The following DLC1 variants were observed in gnomAD, a reference collection of about 807,000 sequenced individuals.
The protein encoded by DLC1 is DLC1 Rho GTPase activating protein.
Under a neutral mutation model 140.3 loss-of-function variants are expected in DLC1, and 54 were observed. The ratio of observed to expected loss-of-function variants is 0.38; its 90% confidence interval spans 0.31 to 0.48. DLC1 has a LOEUF of 0.48. DLC1 is among the 20% of genes least tolerant of loss of function. DLC1 has a pLI of 0.96. For missense variants in DLC1, 2,536 were observed against 1,907.0 expected, an observed-to-expected ratio of 1.33 and a Z score of -6.14; for synonymous variants, 986 against 728.1, an observed-to-expected ratio of 1.35 and a Z score of -5.70.
Position 13,214,557 on chromosome 8 carries a change from C to CTTTT in DLC1, c.1348+90708_1348+90711dup, listed in dbSNP as rs34727279. ...AGCTGTCCCCCGGCCCCAACCCCAC[C>CTTTT]TTTTTTTTTTTTTTTTTGTGGCTGC... is the stretch of plus-strand genomic sequence containing the variant. On this transcript the variant is annotated intron_variant, in intron 5 of 17. Transcript: ENST00000276297. The CTTTT allele has an allele frequency of 1.3e-3, 743 of 579,990 alleles. 6 individuals carry two copies. The highest frequency in any genetic ancestry group is 1.5e-3 in the South Asian group (74 of 47,906). 35.9% of individuals were successfully genotyped at this position (579,990 alleles called of 1,614,324 possible).
chr8:13,181,314 C>CT (rs113553962), intron 5 of DLC1, among the ~76,000 whole-genome samples: 53 of 140,426 alleles, frequency 3.8e-4, no homozygotes, highest in Middle Eastern at 3.9e-3. Flanking sequence ...GGCTGTATTT[C>CT]TTTTTTTTTT....
At chr8:13,381,837 A>G (rs989764736) in intron 4 of DLC1, among the ~76,000 whole-genome samples, 3 of 152,330 alleles carry the variant, frequency 2.0e-5, no homozygotes, top group Non-Finnish European at 2.9e-5. Context: ...TTATGCAGCA[A>G]TAGATGGCTG....
chr8:13,129,181 A>G (rs1398603111), intron 5 of DLC1, among the ~76,000 whole-genome samples: 3 of 152,224 alleles, frequency 2.0e-5, no homozygotes, highest in Admixed American at 1.3e-4. Flanking sequence ...GCAGTAACTC[A>G]TTCCTATAAA....
At chr8:13,428,649 C>T (rs565884504) in intron 2 of DLC1, among the ~76,000 whole-genome samples, 23 of 151,966 alleles carry the variant, frequency 1.5e-4, no homozygotes, top group African/African-American at 5.5e-4. Flanking sequence ...AAAGATATGC[C>T]TCGGGAGATT....
chr8:13,139,200 G>A (rs901771305), intron 5 of DLC1, among the ~76,000 whole-genome samples: 3 of 147,402 alleles, frequency 2.0e-5, no homozygotes, highest in Non-Finnish European at 4.4e-5. Context: ...TGAGGAAGGA[G>A]GATTGCTTGA....
At chr8:13,306,551 T>C (rs900012551) in intron 4 of DLC1, among the ~76,000 whole-genome samples, 4 of 137,132 alleles carry the variant, frequency 2.9e-5, no homozygotes, top group African/African-American at 1.1e-4. Flanking sequence ...TTTGTGTGTG[T>C]GTGTGTTTGT....
intron 4 of DLC1, among the ~76,000 whole-genome samples, chr8:13,353,197 C>G (rs1834755998): frequency 6.6e-6 from 1 of 152,118 alleles, no homozygotes; most frequent in Non-Finnish European, 1.5e-5. Context: ...CCTGCCCTGC[C>G]CATTTCTTGC....
rs1373033772 is a variant in DLC1, at chr8:13,586,533, T to A, written c.-126+18004A>T. ...GTAGATAGGTTAGTAACTGAATGAA[T>A]TGAGTTTTTTTAATTAGACTTTTTT... On this transcript the variant is annotated intron_variant, in intron 1 of 1. Coordinates refer to the DLC1 transcript ENST00000631382. Among the ~76,000 whole-genome samples, 3 of 151,630 alleles carry A rather than the reference T, an allele frequency of 2.0e-5. 1 individual carries two copies. The highest frequency in any genetic ancestry group is 1.9e-4 in the East Asian group (1 of 5,164).
intron 1 of DLC1, among the ~76,000 whole-genome samples, chr8:13,587,890 C>G (rs997321406): frequency 6.6e-6 from 1 of 151,894 alleles, no homozygotes; most frequent in Admixed American, 6.6e-5. Flanking sequence ...CTCACCCTTC[C>G]CCTCATGGCA....
chr8:13,416,527 G>A (rs1012176872), intron 2 of DLC1, among the ~76,000 whole-genome samples: 2 of 152,234 alleles, frequency 1.3e-5, no homozygotes, highest in African/African-American at 4.8e-5. Flanking sequence ...ACTTAAGGAG[G>A]GAAGTGGAAG....
chr8:13,249,911 CACCT>C (rs1192506444), intron 5 of DLC1, among the ~76,000 whole-genome samples: 2 of 152,162 alleles, frequency 1.3e-5, no homozygotes. Flanking sequence ...CTTGTCTTTC[CACCT>C]GTCATCCACT....
intron 5 of DLC1, among the ~76,000 whole-genome samples, chr8:13,178,527 G>T (rs1297717318): frequency 1.4e-5 from 2 of 147,534 alleles, no homozygotes; most frequent in Non-Finnish European, 1.5e-5. Context: ...AGCCGAGATT[G>T]CACCACTGGG....
intron 7 of DLC1, among the ~76,000 whole-genome samples, chr8:13,110,085 T>G (rs937676296): frequency 2.6e-5 from 4 of 152,182 alleles, no homozygotes; most frequent in Admixed American, 6.5e-5. Flanking sequence ...TGAGTAGACA[T>G]GTCTTGAAGA....
chr8:13,428,689 C>G (rs892306689), intron 2 of DLC1, among the ~76,000 whole-genome samples: 8 of 151,416 alleles, frequency 5.3e-5, no homozygotes, highest in African/African-American at 1.7e-4. Context: ...TCTGTTGAGT[C>G]TCTGAGAGTT....
intron 1 of DLC1, among the ~76,000 whole-genome samples, chr8:13,543,780 G>T (rs1306361128): frequency 1.5e-4 from 23 of 152,110 alleles, no homozygotes; most frequent in Admixed American, 1.5e-3. Context: ...CTGTAATTGG[G>T]AGCTAAGCTA....
intron 2 of DLC1, among the ~76,000 whole-genome samples, chr8:13,406,569 T>C (rs772363795): frequency 1.3e-5 from 2 of 152,184 alleles, no homozygotes; most frequent in Non-Finnish European, 2.9e-5. Context: ...GTGGTGCCCA[T>C]GTTCTTTCAT....
intron 4 of DLC1, among the ~76,000 whole-genome samples, chr8:13,361,209 G>T (rs1049960234): frequency 7.2e-5 from 11 of 152,164 alleles, no homozygotes; most frequent in African/African-American, 2.7e-4. Flanking sequence ...TCCAGCCTGG[G>T]CGACGGAGTG....
chr8:13,334,321 T>TG (rs1358387685), intron 4 of DLC1, among the ~76,000 whole-genome samples: 1 of 151,888 alleles, frequency 6.6e-6, no homozygotes, highest in Non-Finnish European at 1.5e-5. Context: ...CAGTGGAAGA[T>TG]GGGGGAGAAG....
chr8:13,532,472 C>T (rs1376484201), intron 1 of DLC1, among the ~76,000 whole-genome samples: 2 of 152,224 alleles, frequency 1.3e-5, no homozygotes, highest in African/African-American at 4.8e-5. Context: ...GATCTATTAA[C>T]ATATTCCATG....
Sources: gnomAD v4.1 joint callset for allele counts (sites outside exome capture counted in the v4.1 genomes callset) on GRCh38, gnomAD v4.1.1 for gene constraint, MANE v1.5 for transcripts, NCBI Gene and HGNC (gene_info 2026-07-23, HGNC 2026-07-21) for gene names.